WHRN: variants seen among roughly 807,000 people sequenced by gnomAD.
The protein encoded by WHRN is whirlin, also known as CASK-interacting protein CIP98.
In WHRN, 41 loss-of-function variants were observed where a neutral mutation model predicts 68.3. The observed-to-expected ratio is 0.60, with a 90% CI of 0.47 to 0.78. WHRN has a LOEUF of 0.78. Among genes scored for constraint, WHRN ranks in the 30% least tolerant of loss-of-function variants. The probability of loss-of-function intolerance (pLI) is 0.00; values close to 1 mark genes in which losing one functional copy is unlikely to be tolerated. For missense variants in WHRN, 1,243 were observed against 1,244.7 expected (o/e 1.00, Z 0.02); for synonymous variants, 560 against 561.3 (o/e 1.00, Z 0.03).
chr9:114,409,738 C>T (rs143734419), intron 7 of WHRN, among the ~76,000 whole-genome samples: 311 of 151,828 alleles, frequency 2.0e-3, no homozygotes, highest in African/African-American at 7.0e-3. Context: ...GGCATGCTGT[C>T]GCTCACCTCC....
chr9:114,426,157 G>A, intron 4 of WHRN, 54 bp downstream of exon 4: 4 of 1,609,480 alleles, frequency 2.5e-6, no homozygotes, highest in Non-Finnish European at 3.4e-6. Flanking sequence ...GCTATCACTG[G>A]CTTTCAGAAA....
Position 114,424,533 on chromosome 9 carries a change from T to C in WHRN, c.1217A>G (p.Lys406Arg), listed in dbSNP as rs1050377167. The C allele has an allele frequency of 6.2e-7, 1 of 1,612,362 alleles. No homozygotes were observed. Among genetic ancestry groups the C allele is most frequent in the South Asian group, 1.1e-5 (1 of 90,818 alleles). ...GGTCACCTGGGAGCCGGCTGGGCCC[T>C]TGTAAAATCCTGGCTGCAAGACAGA... Reference protein sequence around the residue: ...TEGINKPGFYKGPAGSQVTLS... With the variant: ...TEGINKPGFYRGPAGSQVTLS... Residue 406 changes from lysine to arginine, a missense_variant, in exon 6 of 12, where the codon AAG (lysine) becomes AGG (arginine). Lys to Arg is a conservative substitution (Grantham distance 26, BLOSUM62 2). Coordinates refer to ENST00000362057, the MANE Select transcript of WHRN (RefSeq NM_015404.4).
intron 7 of WHRN, among the ~76,000 whole-genome samples, chr9:114,409,642 C>A (rs1835286808): frequency 6.6e-6 from 1 of 151,878 alleles, no homozygotes. Flanking sequence ...TCCTCTCCAG[C>A]CAGGCTGGAA....
chr9:114,497,399 T>C (rs976948256), intron 1 of WHRN, among the ~76,000 whole-genome samples: 2 of 152,114 alleles, frequency 1.3e-5, no homozygotes, highest in African/African-American at 4.8e-5. Context: ...AATAAATCCA[T>C]TTATGCATGC....
At chr9:114,483,671 C>G (rs1435539602) in intron 1 of WHRN, among the ~76,000 whole-genome samples, 3 of 152,216 alleles carry the variant, frequency 2.0e-5, no homozygotes, top group Non-Finnish European at 4.4e-5. Context: ...GCCTGTGAGA[C>G]AGAGACCCAG....
chr9:114,435,614 G>A (rs1169120358), intron 3 of WHRN, among the ~76,000 whole-genome samples: 1 of 152,204 alleles, frequency 6.6e-6, no homozygotes, highest in Non-Finnish European at 1.5e-5. Context: ...TAGAGGAGGG[G>A]TGTCACTGGT....
chr9:114,403,381 G>A, intron 10 of WHRN, 42 bp from the exon 11 acceptor site: 1 of 1,613,250 alleles, frequency 6.2e-7, no homozygotes. Flanking sequence ...CTTCGCAGTT[G>A]GCAGGCCTGG....
chr9:114,476,325 T>C (rs934342033), intron 2 of WHRN, among the ~76,000 whole-genome samples: 2 of 151,812 alleles, frequency 1.3e-5, no homozygotes, highest in African/African-American at 2.4e-5. Context: ...ACCCCCACCC[T>C]CCCATCTGCT....
At chr9:114,452,979 G>C (rs940279893) in intron 3 of WHRN, among the ~76,000 whole-genome samples, 1 of 152,194 alleles carries the variant, frequency 6.6e-6, no homozygotes, top group Non-Finnish European at 1.5e-5. Context: ...TGGGAGGCGA[G>C]AGCAAGCCTG....
intron 2 of WHRN, among the ~76,000 whole-genome samples, chr9:114,467,446 C>T (rs1840810847): frequency 6.7e-6 from 1 of 148,788 alleles, no homozygotes; most frequent in Non-Finnish European, 1.5e-5. Flanking sequence ...TCCTGACTGG[C>T]GTGGGGGGGT....
chr9:114,424,188 G>A (rs1457157009), intron 6 of WHRN, 146 bp downstream of exon 6: 4 of 915,736 alleles, frequency 4.4e-6, no homozygotes, highest in South Asian at 2.8e-5. Context: ...CATCCTGGGG[G>A]CAGGAGGCTG....
intron 7 of WHRN, 101 bp downstream of exon 7, chr9:114,423,213 G>T: frequency 8.2e-7 from 1 of 1,223,650 alleles, no homozygotes. Flanking sequence ...CAGCTGGTAA[G>T]TGGTGGTGCT....
chr9:114,454,568 A>C (rs926874025), intron 3 of WHRN, among the ~76,000 whole-genome samples: 1 of 152,206 alleles, frequency 6.6e-6, no homozygotes, highest in African/African-American at 2.4e-5. Flanking sequence ...ACAAAAAAAA[A>C]CCTAAATAAA....
intron 3 of WHRN, among the ~76,000 whole-genome samples, chr9:114,449,977 C>G (rs1357027994): frequency 2.0e-5 from 3 of 152,014 alleles, no homozygotes; most frequent in Non-Finnish European, 2.9e-5. Flanking sequence ...TCTACAGGAG[C>G]TTGGGAAGCA....
At chr9:114,412,375 G>GC (rs1042893845) in intron 7 of WHRN, among the ~76,000 whole-genome samples, 5 of 152,112 alleles carry the variant, frequency 3.3e-5, no homozygotes, top group African/African-American at 4.8e-5. Context: ...AGCCACCTGG[G>GC]CCCCCTCCCC....
At chr9:114,435,799 A>G (rs1472558162) in intron 3 of WHRN, among the ~76,000 whole-genome samples, 1 of 152,256 alleles carries the variant, frequency 6.6e-6, no homozygotes, top group East Asian at 1.9e-4. Flanking sequence ...AACCTCATTT[A>G]TAGTAGCAAC....
intron 2 of WHRN, among the ~76,000 whole-genome samples, chr9:114,467,143 G>T (rs914079350): frequency 6.6e-6 from 1 of 151,688 alleles, no homozygotes; most frequent in Non-Finnish European, 1.5e-5. Flanking sequence ...CTCCCCAGGG[G>T]TCTCCTATCA....
rs139786369 is a variant in WHRN at position 114,426,929 on chromosome 9, T to C, written c.964-516A>G. ...TAGTTTTCCGTTAAAGCAGTACATA[T>C]GGCTTAGATTCTTACAAGGAGGCAG... On this transcript the variant is annotated intron_variant, in intron 3 of 11. Coordinates refer to ENST00000362057, the MANE Select transcript of WHRN (RefSeq NM_015404.4). Among the ~76,000 whole-genome samples, 996 of 152,340 alleles carry C rather than the reference T, an allele frequency of 6.5e-3. 15 individuals carry two copies. The highest frequency in any genetic ancestry group is 0.022 in the African/African-American group (914 of 41,584).
At chr9:114,478,161 G>C (rs1016996363) in intron 2 of WHRN, among the ~76,000 whole-genome samples, 2 of 151,942 alleles carry the variant, frequency 1.3e-5, no homozygotes, top group African/African-American at 4.8e-5. Flanking sequence ...GGTGGTGCAC[G>C]CCTGTAATCC....
Sources: gnomAD v4.1 joint callset for allele counts (sites outside exome capture counted in the v4.1 genomes callset) on GRCh38, gnomAD v4.1.1 for gene constraint, MANE v1.5 for transcripts, NCBI Gene and HGNC (gene_info 2026-07-23, HGNC 2026-07-21) for gene names.